The following GABRB3 variants were observed in gnomAD, a reference collection of about 807,000 sequenced individuals.
The protein encoded by GABRB3 is gamma-aminobutyric acid receptor subunit beta-3.
GABRB3 carries 14 observed loss-of-function variants against 52.1 expected under a neutral mutation model. That is an observed-to-expected ratio of 0.27 (90% CI 0.18 to 0.42). GABRB3 has a LOEUF of 0.42. Ranked by LOEUF, GABRB3 falls within the 10% of genes least tolerant of loss-of-function variation. The pLI is 1.00. For missense variants in GABRB3, 307 were observed against 609.1 expected (o/e 0.50, Z 5.22); for synonymous variants, 260 against 232.3 (o/e 1.12, Z -1.08).
intron 4 of GABRB3, among the ~76,000 whole-genome samples, chr15:26,602,620 T>C (rs1891629912): frequency 6.6e-6 from 1 of 151,954 alleles, no homozygotes; most frequent in Non-Finnish European, 1.5e-5. Flanking sequence ...TTTTGGAAAC[T>C]ATATAAGCAC....
intron 3 of GABRB3, chr15:26,716,647 C>T (rs1595547953): frequency 1.0e-6 from 1 of 1,003,696 alleles, no homozygotes; most frequent in East Asian, 1.1e-4. Context: ...GTTCTCACTG[C>T]CAACAGCAAG....
At chr15:26,595,024 T>C (rs1304484942) in intron 4 of GABRB3, among the ~76,000 whole-genome samples, 13 of 152,236 alleles carry the variant, frequency 8.5e-5, no homozygotes, top group Admixed American at 6.5e-4. Context: ...TCTAGGCATG[T>C]GCATGGAGTT....
At chr15:26,559,497 CAAG>C (rs1297930790) in intron 8 of GABRB3, among the ~76,000 whole-genome samples, 4 of 132,118 alleles carry the variant, frequency 3.0e-5, no homozygotes, top group South Asian at 2.5e-4. Context: ...GTAAGTTTAA[CAAG>C]AAGAATTAAA....
intron 3 of GABRB3, among the ~76,000 whole-genome samples, chr15:26,748,872 A>G (rs1890423253): frequency 6.6e-6 from 1 of 152,002 alleles, no homozygotes; most frequent in African/African-American, 2.4e-5. Flanking sequence ...CTAAAAATAC[A>G]AAATTTAGCC....
At position 26,618,858 on chromosome 15, in the gene GABRB3, G is replaced by A. The variant is rs1174690415; in HGVS notation, c.461+2456C>T. Among the ~76,000 whole-genome samples the A allele has an allele frequency of 4.0e-5, 6 of 151,594 alleles. No individual in the cohort carries two copies. In the South Asian group the frequency reaches 1.0e-3, roughly 26 times the overall value. On this transcript the variant is annotated intron_variant, in intron 4 of 8. Transcript: ENST00000311550. Reference sequence around the variant, plus strand: ...CAATCCCATCAAAAAGTGGGCGAAGGACATGAACAGACACTTCTCAAAAGA... The same window carrying A: ...CAATCCCATCAAAAAGTGGGCGAAGAACATGAACAGACACTTCTCAAAAGA...
In GABRB3 at chr15:26,621,196, T is replaced by C. The variant is rs1892468663; in HGVS notation, c.461+118A>G. On this transcript the variant is annotated intron_variant, in intron 4 of 8. Coordinates refer to ENST00000311550, the MANE Select transcript of GABRB3 (RefSeq NM_000814.6). This position sits in a 1 kb window ranked among gnomAD's most constrained non-coding sequence, Gnocchi z 4.1. ...TTTTCTGCAAAGCTTTAGTGCTTCATAGATGCTTCCTAATTTATCTGAGGT... is the reference window on the plus strand; with the variant it reads ...TTTTCTGCAAAGCTTTAGTGCTTCACAGATGCTTCCTAATTTATCTGAGGT... 1 of 887,966 alleles carries C rather than the reference T, an allele frequency of 1.1e-6. No homozygotes were observed. Among genetic ancestry groups the C allele is most frequent in the Non-Finnish European group, 1.9e-6 (1 of 528,076 alleles). The allele number at this position is 887,966 out of a possible 1,614,324, so 55.0% of individuals were successfully genotyped here. A position where few individuals can be genotyped will look rare whatever the true frequency, so the allele number is the denominator to read the frequency against.
intron 3 of GABRB3, among the ~76,000 whole-genome samples, chr15:26,677,421 A>G (rs983762385): frequency 2.6e-5 from 4 of 152,158 alleles, no homozygotes; most frequent in Admixed American, 6.5e-5. Context: ...GCCTTTCCTA[A>G]AAGCTGGTTT....
chr15:26,686,115 T>A (rs1888397853), intron 3 of GABRB3, among the ~76,000 whole-genome samples: 1 of 152,070 alleles, frequency 6.6e-6, no homozygotes, highest in Non-Finnish European at 1.5e-5. Flanking sequence ...ACTAATTTTT[T>A]TATTTTTTGT....
chr15:26,622,512 C>T (rs1595491070), intron 3 of GABRB3, among the ~76,000 whole-genome samples: 1 of 152,124 alleles, frequency 6.6e-6, no homozygotes, highest in Non-Finnish European at 1.5e-5. Context: ...TATCCAACCA[C>T]GGAGGGGAAA....
Position 26,567,991 on chromosome 15 carries a change from G to A in GABRB3, c.683-258C>T, listed in dbSNP as rs367555889. Among the ~76,000 whole-genome samples, 117 of 152,332 alleles carry A rather than the reference G, an allele frequency of 7.7e-4. 2 individuals carry two copies. The South Asian group carries it at 0.023, about 29-fold the overall frequency. ...CGCTCGGTTGAGAACTTGGAAAAAC[G>A]TATTAGTTTTTAGCTTAGAATCCAG... On this transcript the variant is annotated intron_variant, in intron 6 of 8. Coordinates refer to ENST00000311550, the MANE Select transcript of GABRB3 (RefSeq NM_000814.6).
At position 26,645,713 on chromosome 15, in the gene GABRB3, T is replaced by C. The variant is rs186146994; in HGVS notation, c.241-24179A>G. On this transcript the variant is annotated intron_variant, in intron 3 of 8. Transcript: ENST00000311550. The stretch of plus-strand genomic sequence containing the variant: ...TTTTAAAGGACTCCGAATTCATGCT[T>C]GAAGAAATGCAGGCAGACCTGTTAT... 7.7e-4 allele frequency among the ~76,000 whole-genome samples: 118 copies of C among 152,266 alleles called. 2 individuals are homozygous for C. Among genetic ancestry groups the C allele is most frequent in the African/African-American group, 2.8e-3 (116 of 41,542 alleles).
At chr15:26,625,908 C>T (rs1362365697) in intron 3 of GABRB3, among the ~76,000 whole-genome samples, 3 of 152,164 alleles carry the variant, frequency 2.0e-5, no homozygotes, top group Non-Finnish European at 2.9e-5. Context: ...TTTTGCCAGA[C>T]CCCCAGGCTG....
chr15:26,664,252 G>A (rs1339421670), intron 3 of GABRB3, among the ~76,000 whole-genome samples: 1 of 152,138 alleles, frequency 6.6e-6, no homozygotes, highest in Non-Finnish European at 1.5e-5. Context: ...TTGCTATGTT[G>A]CCCAGGCCTC....
At chr15:26,591,516 T>A (rs1891202322) in intron 4 of GABRB3, among the ~76,000 whole-genome samples, 1 of 152,140 alleles carries the variant, frequency 6.6e-6, no homozygotes, top group African/African-American at 2.4e-5. Flanking sequence ...TTCAAAGAAT[T>A]TGGCAACACG....
At chr15:26,663,927 T>C (rs1887624898) in intron 3 of GABRB3, among the ~76,000 whole-genome samples, 1 of 152,228 alleles carries the variant, frequency 6.6e-6, no homozygotes, top group African/African-American at 2.4e-5. Context: ...TATATGTAAG[T>C]CATACATCAG....
At chr15:26,656,300 C>T (rs1375388422) in intron 3 of GABRB3, among the ~76,000 whole-genome samples, 2 of 152,164 alleles carry the variant, frequency 1.3e-5, no homozygotes, top group African/African-American at 4.8e-5. Flanking sequence ...CAGTGCAAGG[C>T]AAACTCAGTT....
chr15:26,640,161 G>A (rs1447072569), intron 3 of GABRB3, among the ~76,000 whole-genome samples: 1 of 152,130 alleles, frequency 6.6e-6, no homozygotes, highest in African/African-American at 2.4e-5. Context: ...GTATGGACCA[G>A]CCAAGCCAAC....
chr15:26,742,327 T>C (rs1420784132), intron 3 of GABRB3, among the ~76,000 whole-genome samples: 1 of 151,612 alleles, frequency 6.6e-6, no homozygotes, highest in Non-Finnish European at 1.5e-5. Flanking sequence ...ATCCATTCTT[T>C]ACCCAATTTT....
intron 3 of GABRB3, among the ~76,000 whole-genome samples, chr15:26,740,824 G>T (rs1371384755): frequency 6.6e-6 from 1 of 152,124 alleles, no homozygotes; most frequent in Non-Finnish European, 1.5e-5. Context: ...TACTAAGAAT[G>T]TACTCATTCA....
Sources: allele counts gnomAD v4.1 joint callset (sites outside exome capture counted in the v4.1 genomes callset), GRCh38; gene constraint gnomAD v4.1.1; non-coding constraint Gnocchi (gnomAD v3.1); transcripts MANE v1.5; gene names NCBI Gene and HGNC (gene_info 2026-07-23, HGNC 2026-07-21).